The following POLRMT variants were observed in gnomAD, a reference collection of about 807,000 sequenced individuals.
POLRMT encodes the protein RNA polymerase mitochondrial, also known as DNA-directed RNA polymerase, mitochondrial.
POLRMT carries 114 observed loss-of-function variants against 132.2 expected under a neutral mutation model. That is an observed-to-expected ratio of 0.86 (90% CI 0.74 to 1.01). POLRMT has a LOEUF of 1.01. Ranked by LOEUF, POLRMT falls within the 50% of genes least tolerant of loss-of-function variation. POLRMT has a pLI of 0.00. For missense variants in POLRMT, 2,003 were observed against 1,729.1 expected, an observed-to-expected ratio of 1.16 and a Z score of -2.81; for synonymous variants, 1,020 against 773.4, an observed-to-expected ratio of 1.32 and a Z score of -5.29.
At position 630,291 on chromosome 19, in the gene POLRMT, A is replaced by G. The variant is rs193054425; in HGVS notation, c.194-123T>C. The G allele has an allele frequency of 1.6e-4, 183 of 1,161,474 alleles. No individual in the cohort carries two copies. In the African/African-American group the frequency reaches 2.6e-3, roughly 16 times the overall value. 71.9% of individuals were successfully genotyped at this position (1,161,474 alleles called of 1,614,324 possible). A position where few individuals can be genotyped will look rare whatever the true frequency, so the allele number is the denominator to read the frequency against. ...TGAGCTCGCTGGGACCCAAGGCGTG[A>G]ATTCCTCATACTTGCCAACAACGTT... On this transcript the variant is annotated intron_variant, in intron 2 of 20. Coordinates refer to ENST00000588649, the MANE Select transcript of POLRMT (RefSeq NM_005035.4).
rs1326874757 is a variant in POLRMT at position 619,660 on chromosome 19, CCACCGTCAT to C, written c.2983_2991del (p.Met995_Val997del). 3.7e-6 allele frequency: 6 copies of C among 1,610,610 alleles called. No individual in the cohort carries two copies. Among genetic ancestry groups the C allele is most frequent in the Admixed American group, 1.7e-5 (1 of 59,940 alleles). On this transcript the variant is annotated inframe_deletion, in exon 13 of 21. Coordinates refer to ENST00000588649, the MANE Select transcript of POLRMT (RefSeq NM_005035.4). Reference sequence around the variant, plus strand: ...CCGCCATAGCGCGTGACCCCGTACACCACCGTCATCACCGTCTGCTTCACCACCTTGCGG... The same window carrying C: ...CCGCCATAGCGCGTGACCCCGTACACCACCGTCTGCTTCACCACCTTGCGG...
chr19:618,286 C>T (rs779600358), intron 17 of POLRMT: 59 of 574,138 alleles, frequency 1.0e-4, no homozygotes, highest in Non-Finnish European at 1.3e-4. Flanking sequence ...CTCTCCCTGT[C>T]GGGCCACAGG....
At chr19:619,865 A>G (rs1984366371) in intron 12 of POLRMT, 93 bp downstream of exon 12, 3 of 1,576,310 alleles carry the variant, frequency 1.9e-6, no homozygotes, top group Non-Finnish European at 2.6e-6. Flanking sequence ...CCACATCCTC[A>G]GGACAGGCCA....
rs1985525727 is a variant in POLRMT, at chr19:632,875, T to C, written c.152A>G (p.Gln51Arg). The C allele has an allele frequency of 1.9e-6, 3 of 1,553,504 alleles. No homozygotes were observed. Among genetic ancestry groups the C allele is most frequent in the Non-Finnish European group, 2.6e-6 (3 of 1,153,152 alleles). Residue 51 changes from glutamine to arginine, a missense_variant, in exon 2 of 21, where the codon CAA (glutamine) becomes CGA (arginine). By Grantham distance (43) the Gln-to-Arg change is conservative (BLOSUM62 1). Transcript: ENST00000588649. ...SSSASPQEQDQDRRKDWGHVE... is the reference protein window; with the variant it reads ...SSSASPQEQDRDRRKDWGHVE... ...GTGGCCCCAGTCCTTCCTGCGGTCT[T>C]GGTCTTGCTCCTGGGGGCTGGCGGA...
Position 625,499 on chromosome 19 carries a change from C to T in POLRMT, c.823-245G>A, listed in dbSNP as rs1984962147. 8.5e-6 allele frequency: 4 copies of T among 469,630 alleles called. No individual in the cohort carries two copies. The South Asian group carries it at 1.4e-4, about 16-fold the overall frequency. The allele number at this position is 469,630 out of a possible 1,614,324, so 29.1% of individuals were successfully genotyped here. ...AGGTTCACGTTCCTCTGGGAGGCAG[C>T]TTGTTAAACCTCCAGATTTGTCAAT... On this transcript the variant is annotated intron_variant, in intron 3 of 20. Coordinates refer to ENST00000588649, the MANE Select transcript of POLRMT (RefSeq NM_005035.4).
rs753927804 is a variant in POLRMT, at chr19:619,591, G to C, written c.3061C>G (p.Pro1021Ala). ...GCGCGACATGCCTGGCGCACCTGGG[G>C]AAAGTCGCTCAGCTCCCGGAGGCGC... ...EKRLRELSDFPQEFVWEASHY... is the reference protein window; with the variant it reads ...EKRLRELSDFAQEFVWEASHY... The change falls in exon 13 of 21, where the codon CCC becomes GCC. Residue 1021 changes from proline to alanine, a missense_variant. Physicochemically the swap from Pro to Ala is conservative, Grantham distance 27. Transcript: ENST00000588649. 2 of 1,611,430 alleles carry C rather than the reference G, an allele frequency of 1.2e-6. No homozygotes were observed. Among genetic ancestry groups the C allele is most frequent in the Non-Finnish European group, 1.7e-6 (2 of 1,179,642 alleles).
chr19:619,512 G>C (rs985689366), intron 13 of POLRMT, 74 bp downstream of exon 13: 29 of 1,570,808 alleles, frequency 1.8e-5, no homozygotes, highest in Admixed American at 8.5e-5. Context: ...GGGAGGCTGG[G>C]TCGGGGGCAC....
chr19:626,696 C>CAAAAAAAAAA (rs59746130), intron 3 of POLRMT, among the ~76,000 whole-genome samples: 2 of 105,020 alleles, frequency 1.9e-5, no homozygotes, highest in African/African-American at 8.6e-5. Flanking sequence ...ACTAAAAATA[C>CAAAAAAAAAA]AAAAAAAAAA....
chr19:617,248 TAC>T lies in POLRMT; in HGVS notation c.*24_*25del, dbSNP rs1224610301. 7.4e-6 allele frequency: 12 copies of T among 1,612,046 alleles called. No homozygotes were observed. The highest frequency in any genetic ancestry group is 2.2e-5 in the East Asian group (1 of 44,866). ...CTGGGGGTGGCAAAAGAGCTTTATT[TAC>T]ACACTGACAAGGCTCACGGGGTGTC... On this transcript the variant is annotated 3_prime_UTR_variant, in exon 21 of 21. Transcript: ENST00000588649.
At chr19:620,258 C>T in intron 11 of POLRMT, 107 bp downstream of exon 11, 1 of 1,459,222 alleles carries the variant, frequency 6.9e-7, no homozygotes, top group Non-Finnish European at 9.1e-7. Context: ...ACTCTAGGAC[C>T]ACCTCCAGAG....
In POLRMT at chr19:633,529, G is replaced by GGCGCCGCCGCCGCTGCCGCC; in HGVS notation, c.-18_-17insGGCGGCAGCGGCGGCGGCGC. On this transcript the variant is annotated 5_prime_UTR_variant, in exon 1 of 21. Coordinates refer to ENST00000588649, the MANE Select transcript of POLRMT (RefSeq NM_005035.4). ...TGCCGACATTACGCACGCCGCTCCA[G>GGCGCCGCCGCCGCTGCCGCC]GCCACCCCACCGGCCCGCGCCTGCG... The GGCGCCGCCGCCGCTGCCGCC allele has an allele frequency of 6.8e-7, 1 of 1,463,692 alleles. No individual in the cohort carries two copies. The highest frequency in any genetic ancestry group is 9.0e-7 in the Non-Finnish European group (1 of 1,109,956). 90.7% of individuals were successfully genotyped at this position (1,463,692 alleles called of 1,614,324 possible).
intron 3 of POLRMT, among the ~76,000 whole-genome samples, chr19:629,037 C>A (rs190351010): frequency 6.6e-6 from 1 of 151,978 alleles, no homozygotes; most frequent in East Asian, 1.9e-4. Context: ...AAGAAAACGG[C>A]AAGGGAAATT....
At chr19:624,071 G>GA (rs1458763063) in intron 5 of POLRMT, among the ~76,000 whole-genome samples, 9 of 152,252 alleles carry the variant, frequency 5.9e-5, no homozygotes, top group African/African-American at 2.2e-4. Context: ...TCGATAAGTA[G>GA]AAACAGCCCA....
In POLRMT at chr19:623,035, C is replaced by T. The variant is rs371362217; in HGVS notation, c.1291-50G>A. 4.8e-5 allele frequency: 76 copies of T among 1,591,792 alleles called. No homozygotes were observed. The African/African-American group carries it at 9.4e-4, about 20-fold the overall frequency. Reference sequence around the variant, plus strand: ...GAGCCCCGTGGCAGCTGGTGGGACCCAGGCTCACAGGACGGGGGTCACCGC... The same window carrying T: ...GAGCCCCGTGGCAGCTGGTGGGACCTAGGCTCACAGGACGGGGGTCACCGC... On this transcript the variant is annotated intron_variant, in intron 6 of 20. Coordinates refer to ENST00000588649, the MANE Select transcript of POLRMT (RefSeq NM_005035.4).
chr19:617,363 A>C (rs753123634), intron 20 of POLRMT, 40 bp from the exon 21 acceptor site: 2 of 1,612,404 alleles, frequency 1.2e-6, no homozygotes, highest in East Asian at 4.5e-5. Context: ...GTGGCGGGAA[A>C]GCCCCGCCCT....
intron 5 of POLRMT, among the ~76,000 whole-genome samples, chr19:623,962 G>A (rs1265821537): frequency 1.3e-5 from 2 of 152,180 alleles, no homozygotes; most frequent in Non-Finnish European, 2.9e-5. Flanking sequence ...AGAAATAGAT[G>A]AATTAAAAAT....
At chr19:617,369 G>T in intron 20 of POLRMT, 46 bp from the exon 21 acceptor site, 2 of 1,612,412 alleles carry the variant, frequency 1.2e-6, no homozygotes, top group Non-Finnish European at 1.7e-6. Context: ...GGAAAGCCCC[G>T]CCCTGGCCCG....
At position 620,761 on chromosome 19, in the gene POLRMT, G is replaced by A. The variant is rs528201706; in HGVS notation, c.2641-274C>T. 1.6e-3 allele frequency among the ~76,000 whole-genome samples: 225 copies of A among 137,908 alleles called. 1 individual carries two copies. Among genetic ancestry groups the A allele is most frequent in the African/African-American group, 5.9e-3 (216 of 36,420 alleles). The allele number at this position is 137,908 out of a possible 152,430, so 90.5% of individuals were successfully genotyped here. ...CAGAGGACCTGGGGGCGCCGGGGGA[G>A]GAAGCAGCTCGGCGGATGCAGGGGA... On this transcript the variant is annotated intron_variant, in intron 10 of 20. Transcript: ENST00000588649.
rs772812075 is a variant in POLRMT, at chr19:617,674, A to G, written c.3496-19T>C. The G allele has an allele frequency of 6.2e-7, 1 of 1,612,480 alleles. No individual in the cohort carries two copies. Among genetic ancestry groups the G allele is most frequent in the East Asian group, 2.2e-5 (1 of 44,876 alleles). On this transcript the variant is annotated intron_variant, in intron 18 of 20. Transcript: ENST00000588649. ...GGCACACCTGGGCAGGAGTCAGAGG[A>G]TCCCCAGGGGTGATCAGGCAGGCTC...
Sources: gnomAD v4.1 joint callset for allele counts (sites outside exome capture counted in the v4.1 genomes callset) on GRCh38, gnomAD v4.1.1 for gene constraint, MANE v1.5 for transcripts, NCBI Gene and HGNC (gene_info 2026-07-23, HGNC 2026-07-21) for gene names.